Variants in GLI2 observed in about 807,000 individuals in gnomAD.
GLI2 encodes the protein GLI family zinc finger 2.
A neutral mutation model predicts 78.9 loss-of-function variants in GLI2; 22 were observed. The observed-to-expected ratio is 0.28, with a 90% confidence interval of 0.20 to 0.40. The LOEUF is 0.40. Ranked by LOEUF, GLI2 falls within the 10% of genes least tolerant of loss-of-function variation. GLI2 has a pLI of 1.00. For synonymous variants in GLI2, 974 were observed against 963.7 expected (o/e 1.01, Z -0.20); for missense variants, 2,097 against 2,213.2 (o/e 0.95, Z 1.05).
At chr2:120,898,840 T>C (rs1329810216) in intron 2 of GLI2, among the ~76,000 whole-genome samples, 1 of 152,208 alleles carries the variant, frequency 6.6e-6, no homozygotes, top group Non-Finnish European at 1.5e-5. Context: ...GGTAGCTGGA[T>C]GTTGTTCTCA....
chr2:120,867,795 G>A (rs980404990), intron 2 of GLI2, among the ~76,000 whole-genome samples: 9 of 152,116 alleles, frequency 5.9e-5, no homozygotes, highest in African/African-American at 1.7e-4. Flanking sequence ...GGCCTCAGGC[G>A]GGGGGAGCTG....
intron 2 of GLI2, among the ~76,000 whole-genome samples, chr2:120,878,811 T>C (rs1240420786): frequency 6.6e-6 from 1 of 151,642 alleles, no homozygotes; most frequent in Non-Finnish European, 1.5e-5. Context: ...TGCGTGCCTG[T>C]AATCCCAGCT....
intron 2 of GLI2, among the ~76,000 whole-genome samples, chr2:120,830,074 T>G (rs1686282345): frequency 6.6e-6 from 1 of 151,948 alleles, no homozygotes; most frequent in South Asian, 2.1e-4. Context: ...GAAGTCAGAG[T>G]GTGCTGCTGA....
chr2:120,887,897 T>C (rs568470889), intron 2 of GLI2, among the ~76,000 whole-genome samples: 2 of 152,324 alleles, frequency 1.3e-5, no homozygotes, highest in Admixed American at 6.5e-5. Context: ...CTAAGAAGCT[T>C]GGGACATGCA....
rs528805776 is a variant in GLI2, at chr2:120,988,989, G to A, written c.3024G>A (p.Ser1008=). ...GCGGCCTGGCCCGCGGCGCCTACTC[G>A]CCCCGGCCGCCTAGCATCAGCGAGA... ...TDGGLARGAY[S]PRPPSISENV... Residue 1008 remains serine (S), a synonymous_variant, in exon 14 of 14, where the codon TCG becomes TCA. Transcript: ENST00000361492. 17 of 1,581,444 alleles carry A rather than the reference G, an allele frequency of 1.1e-5. No homozygotes were observed. In the African/African-American group the frequency reaches 1.3e-4, roughly 12 times the overall value.
intron 2 of GLI2, among the ~76,000 whole-genome samples, chr2:120,892,234 G>A (rs10199937): frequency 0.25 from 37,656 of 152,144 alleles, 7,791 homozygotes; most frequent in African/African-American, 0.57. Flanking sequence ...CTGGGCCACA[G>A]GAGAAACGTT....
At chr2:120,883,705 G>A (rs1677262591) in intron 2 of GLI2, among the ~76,000 whole-genome samples, 1 of 152,212 alleles carries the variant, frequency 6.6e-6, no homozygotes, top group Non-Finnish European at 1.5e-5. Context: ...TGGTCACATA[G>A]CTCAGATCTG....
intron 1 of GLI2, among the ~76,000 whole-genome samples, chr2:120,758,982 T>C (rs1436406570): frequency 1.3e-5 from 2 of 152,196 alleles, no homozygotes; most frequent in African/African-American, 4.8e-5. Flanking sequence ...AGGCCCTTTC[T>C]GTGCCCAATC....
chr2:120,945,957 T>TCTCACACACACACACACACA (rs1553470434), intron 3 of GLI2, among the ~76,000 whole-genome samples: 2 of 134,258 alleles, frequency 1.5e-5, no homozygotes, highest in Non-Finnish European at 3.2e-5. Context: ...CATAACCTTC[T>TCTCACACACACACACACACA]CACACACACA....
At chr2:120,808,379 C>T (rs950821269) in intron 2 of GLI2, among the ~76,000 whole-genome samples, 1 of 152,146 alleles carries the variant, frequency 6.6e-6, no homozygotes, top group African/African-American at 2.4e-5. Context: ...TGTGCAAAGG[C>T]CCCTGTTGTC....
At chr2:120,857,945 G>C (rs781207020) in intron 2 of GLI2, among the ~76,000 whole-genome samples, 1 of 152,022 alleles carries the variant, frequency 6.6e-6, no homozygotes, top group Non-Finnish European at 1.5e-5. Context: ...TAATTCCCTC[G>C]CACCTTTCTT....
At chr2:120,904,361 C>T (rs547492129) in intron 2 of GLI2, among the ~76,000 whole-genome samples, 1 of 152,306 alleles carries the variant, frequency 6.6e-6, no homozygotes, top group East Asian at 1.9e-4. Flanking sequence ...CCAGTCTTCA[C>T]CCAGATGCTC....
intron 2 of GLI2, among the ~76,000 whole-genome samples, chr2:120,847,165 A>G (rs2104596229): frequency 7.0e-6 from 1 of 142,352 alleles, no homozygotes. Flanking sequence ...TCCTAGGAAA[A>G]CCTGAGGCTC....
At chr2:120,987,549 C>T (rs1359480800) in intron 13 of GLI2, among the ~76,000 whole-genome samples, 1 of 152,176 alleles carries the variant, frequency 6.6e-6, no homozygotes, top group Non-Finnish European at 1.5e-5. Context: ...CCTGGGCTCA[C>T]GTCTCCTCTG....
rs1254920287 is a variant in GLI2, at chr2:120,982,955, G to A, written c.1632+75G>A. On this transcript the variant is annotated intron_variant, in intron 11 of 13. Coordinates refer to ENST00000361492, the MANE Select transcript of GLI2 (RefSeq NM_001374353.1). ...GCCCCATGGCTTCCAGGCATCTGTA[G>A]TCCAGTAGATAGCCAGGTGCCCCAT... The A allele has an allele frequency of 2.1e-6, 3 of 1,457,650 alleles. No homozygotes were observed. The African/African-American group carries it at 4.2e-5, about 20-fold the overall frequency. 90.3% of individuals were successfully genotyped at this position (1,457,650 alleles called of 1,614,324 possible).
Position 120,984,494 on chromosome 2 carries a change from A to G in GLI2, c.1656A>G (p.Pro552=). The G allele has an allele frequency of 6.2e-7, 1 of 1,614,196 alleles. No individual in the cohort carries two copies. The highest frequency in any genetic ancestry group is 8.5e-7 in the Non-Finnish European group (1 of 1,180,030). ...SNEKPYICKI[P]GCTKRYTDPS... Reference sequence around the variant, plus strand: ...AGAAACCCTACATCTGCAAGATCCCAGGCTGCACCAAGAGATACACAGACC... The same window carrying G: ...AGAAACCCTACATCTGCAAGATCCCGGGCTGCACCAAGAGATACACAGACC... Residue 552 remains proline, a synonymous_variant, in exon 12 of 14, where the codon CCA becomes CCG. Transcript: ENST00000361492.
At position 120,748,222 on chromosome 2, in the gene GLI2, C is replaced by T. The variant is rs564506815; in HGVS notation, c.-31+11937C>T. ...ATAGGTCTGTTTTCCTGGCTCCAGG[C>T]TGACAAATTTCCACTTCACAATGAA... On this transcript the variant is annotated intron_variant, in intron 1 of 13. Coordinates refer to ENST00000361492, the MANE Select transcript of GLI2 (RefSeq NM_001374353.1). Among the ~76,000 whole-genome samples the T allele has an allele frequency of 2.7e-4, 41 of 152,346 alleles. 1 individual carries two copies. In the South Asian group the frequency reaches 8.3e-3, roughly 31 times the overall value.
At chr2:120,772,640 G>C (rs1261525498) in intron 1 of GLI2, among the ~76,000 whole-genome samples, 1 of 152,262 alleles carries the variant, frequency 6.6e-6, no homozygotes, top group Non-Finnish European at 1.5e-5. Flanking sequence ...CCTTGTTGGA[G>C]AAGGCGGAAT....
chr2:120,987,003 G>C (rs559354052), intron 13 of GLI2, among the ~76,000 whole-genome samples: 31 of 152,328 alleles, frequency 2.0e-4, no homozygotes, highest in African/African-American at 6.3e-4. Flanking sequence ...TGGTTAGAAG[G>C]CTGTGCCACC....
Sources: allele counts gnomAD v4.1 joint callset (sites outside exome capture counted in the v4.1 genomes callset), GRCh38; gene constraint gnomAD v4.1.1; transcripts MANE v1.5; gene names NCBI Gene and HGNC (gene_info 2026-07-23, HGNC 2026-07-21).